The following FAAH2 variants were observed in gnomAD, a reference collection of about 807,000 sequenced individuals.
FAAH2 encodes fatty-acid amide hydrolase 2.
In FAAH2, 60 loss-of-function variants were observed where a neutral mutation model predicts 36.9. The observed-to-expected ratio is 1.63, with a 90% confidence interval of 1.32 to 2.02. FAAH2 has a LOEUF of 2.02. FAAH2 is among the 30% of genes most tolerant of loss of function. FAAH2 has a pLI of 0.00. For missense variants in FAAH2, 689 were observed against 397.5 expected (o/e 1.73, Z -6.23); for synonymous variants, 214 against 143.8 (o/e 1.49, Z -3.49).
chrX:57,421,154 A>C (rs1389582287), intron 7 of FAAH2, among the ~76,000 whole-genome samples: 2 of 112,528 alleles, frequency 1.8e-5, no homozygotes, highest in East Asian at 5.6e-4. Context: ...GAAGCCACAA[A>C]GGTGTTTTTG....
chrX:57,380,658 C>A (rs745934158), intron 6 of FAAH2, among the ~76,000 whole-genome samples: 29 of 112,212 alleles, frequency 2.6e-4, no homozygotes, highest in African/African-American at 9.4e-4. Flanking sequence ...TCATTTCTAG[C>A]ATGAACTACC....
the FAAH2 span, among the ~76,000 whole-genome samples, chrX:57,277,705 G>C: frequency 2.7e-5 from 3 of 112,115 alleles, no homozygotes; most frequent in Non-Finnish European, 5.6e-5. Context: ...TCCTTAAGCT[G>C]ATAAGCAACT....
At chrX:57,288,226 C>T (rs113732280) in intron 1 of FAAH2, among the ~76,000 whole-genome samples, 1 of 107,847 alleles carries the variant, frequency 9.3e-6, no homozygotes, top group Non-Finnish European at 1.9e-5. Flanking sequence ...GAACCTGGCA[C>T]ATAGAAGATT....
the FAAH2 span, among the ~76,000 whole-genome samples, chrX:57,193,152 GCA>G: frequency 8.9e-6 from 1 of 111,835 alleles, no homozygotes; most frequent in South Asian, 3.8e-4. Context: ...CTGTTTCTCA[GCA>G]AGGAACATCC....
chrX:57,132,323 A>T, the FAAH2 span, among the ~76,000 whole-genome samples: 4 of 112,151 alleles, frequency 3.6e-5, no homozygotes, highest in African/African-American at 6.5e-5. Context: ...GGCCGATAAC[A>T]ACCATTTATC....
the FAAH2 span, among the ~76,000 whole-genome samples, chrX:57,153,224 T>C: frequency 5.4e-5 from 6 of 112,062 alleles, no homozygotes; most frequent in Non-Finnish European, 7.5e-5. Flanking sequence ...AGAATATCTT[T>C]TTCCATGCCT....
the FAAH2 span, among the ~76,000 whole-genome samples, chrX:57,175,231 T>C: frequency 1.7e-4 from 19 of 111,720 alleles, no homozygotes; most frequent in African/African-American, 5.8e-4. Flanking sequence ...CTGGTAGTAA[T>C]TGTTTTATGA....
chrX:57,283,750 G>C, upstream of FAAH2, among the ~76,000 whole-genome samples: 1 of 111,377 alleles, frequency 9.0e-6, no homozygotes, highest in Non-Finnish European at 1.9e-5. Context: ...GTAGCAACTC[G>C]ACCTTTTGTT....
the FAAH2 span, among the ~76,000 whole-genome samples, chrX:57,163,464 C>T: frequency 2.7e-5 from 3 of 111,978 alleles, no homozygotes; most frequent in Admixed American, 1.9e-4. Flanking sequence ...CCCAGCCTCG[C>T]TGCCGCCTTG....
chrX:57,463,135 A>G (rs1262789283), intron 10 of FAAH2, among the ~76,000 whole-genome samples: 1 of 111,416 alleles, frequency 9.0e-6, no homozygotes, highest in African/African-American at 3.3e-5. Flanking sequence ...AGAACTACAA[A>G]CCACTGCTCA....
intron 7 of FAAH2, among the ~76,000 whole-genome samples, chrX:57,402,241 C>T (rs959012002): frequency 1.8e-5 from 2 of 112,097 alleles, no homozygotes; most frequent in Non-Finnish European, 3.8e-5. Context: ...CCGTGATTCC[C>T]TTGACATAAG....
the FAAH2 span, among the ~76,000 whole-genome samples, chrX:57,154,804 T>C: frequency 1.8e-5 from 2 of 110,613 alleles, no homozygotes; most frequent in Non-Finnish European, 3.8e-5. Context: ...GTTAAGTCTA[T>C]GTCTGAGGGA....
rs1004873877 is a variant in FAAH2, at chrX:57,357,799, C to A, written c.742+16409C>A. On this transcript the variant is annotated intron_variant, in intron 5 of 10. Coordinates refer to ENST00000374900, the MANE Select transcript of FAAH2 (RefSeq NM_174912.4). ...TGGTGATTGCTCAAGGGTATAGAAC[C>A]AGAAATACCATTTGACCCAGCAATC... Among the ~76,000 whole-genome samples, 8 of 111,235 alleles carry A rather than the reference C, an allele frequency of 7.2e-5. No homozygotes were observed. In the Admixed American group the frequency reaches 7.6e-4, roughly 11 times the overall value.
chrX:57,299,690 T>C (rs926470588), intron 2 of FAAH2, among the ~76,000 whole-genome samples: 11 of 111,758 alleles, frequency 9.8e-5, no homozygotes, highest in Non-Finnish European at 1.9e-4. Flanking sequence ...ATGACATGAT[T>C]GTATATCTAG....
the FAAH2 span, among the ~76,000 whole-genome samples, chrX:57,251,976 G>A: frequency 1.9e-3 from 210 of 112,115 alleles, no homozygotes; most frequent in Non-Finnish European, 3.1e-3. Flanking sequence ...ACTGTACCTG[G>A]AGGAGCGGTA....
At chrX:57,149,787 C>G in the FAAH2 span, among the ~76,000 whole-genome samples, 1 of 111,001 alleles carries the variant, frequency 9.0e-6, no homozygotes, top group Admixed American at 9.6e-5. Flanking sequence ...TTAGGTATTT[C>G]TTGCCTTCTG....
intron 5 of FAAH2, among the ~76,000 whole-genome samples, chrX:57,362,737 C>T (rs2054316228): frequency 8.9e-6 from 1 of 112,019 alleles, no homozygotes; most frequent in Non-Finnish European, 1.9e-5. Context: ...TTTAGTCTTA[C>T]ATATGTCTAA....
the FAAH2 span, among the ~76,000 whole-genome samples, chrX:57,170,171 A>G: frequency 8.9e-6 from 1 of 111,810 alleles, no homozygotes; most frequent in Non-Finnish European, 1.9e-5. Context: ...GGGTTTTGCC[A>G]TGTTGCCTAG....
intron 5 of FAAH2, among the ~76,000 whole-genome samples, chrX:57,369,657 A>T (rs2054503707): frequency 8.9e-6 from 1 of 111,842 alleles, no homozygotes; most frequent in Admixed American, 9.5e-5. Context: ...TTTACCTGAC[A>T]AACAAAAGTT....
Sources: allele counts gnomAD v4.1 joint callset (sites outside exome capture counted in the v4.1 genomes callset), GRCh38; gene constraint gnomAD v4.1.1; transcripts MANE v1.5; gene names NCBI Gene and HGNC (gene_info 2026-07-23, HGNC 2026-07-21).